Variants in BCAT1 observed in about 807,000 individuals in gnomAD.
BCAT1 encodes branched-chain-amino-acid aminotransferase, cytosolic.
Under a neutral mutation model 52.4 loss-of-function variants are expected in BCAT1, and 48 were observed. The ratio of observed to expected loss-of-function variants is 0.92; its 90% CI spans 0.73 to 1.16. The LOEUF (loss-of-function observed/expected upper bound fraction) is 1.16. BCAT1 is among the 50% of genes most tolerant of loss of function. The probability of loss-of-function intolerance (pLI) is 0.00; values close to 1 mark genes in which losing one functional copy is unlikely to be tolerated. For synonymous variants in BCAT1, 167 were observed against 161.3 expected, an observed-to-expected ratio of 1.04 and a Z score of -0.27; for missense variants, 451 against 457.1, an observed-to-expected ratio of 0.99 and a Z score of 0.12.
chr12:24,832,658 C>T, intron 9 of BCAT1, 65 bp downstream of exon 9: 2 of 1,479,126 alleles, frequency 1.4e-6, no homozygotes, highest in Non-Finnish European at 1.8e-6. Context: ...TTTATTCATA[C>T]ACTTAAATTA....
At chr12:24,912,110 G>A (rs187807807) in intron 1 of BCAT1, among the ~76,000 whole-genome samples, 30 of 152,170 alleles carry the variant, frequency 2.0e-4, no homozygotes, top group African/African-American at 7.2e-4. Context: ...CAATCAAGAC[G>A]GAAAGGATTT....
At chr12:24,933,185 T>C (rs1212924182) in intron 1 of BCAT1, among the ~76,000 whole-genome samples, 1 of 129,568 alleles carries the variant, frequency 7.7e-6, no homozygotes, top group Non-Finnish European at 1.6e-5. Context: ...GCCAGGCAGG[T>C]CTCAGGCTTC....
intron 6 of BCAT1, among the ~76,000 whole-genome samples, chr12:24,849,188 C>A (rs897882462): frequency 2.6e-5 from 4 of 152,254 alleles, no homozygotes; most frequent in African/African-American, 9.6e-5. Flanking sequence ...CCCCTGAAAT[C>A]GTCCAACACT....
intron 8 of BCAT1, chr12:24,834,427 T>A (rs1940832551): frequency 3.0e-6 from 3 of 984,628 alleles, no homozygotes; most frequent in Middle Eastern, 5.2e-4. Context: ...TTAAGCTATG[T>A]GTTTAAACTA....
rs1406707817 is a variant in BCAT1, at chr12:24,815,664, T to C, written c.*2344A>G. ...ACTTAAATGACAATGGTGGATTGTG[T>C]TCTCCTTATCAGGAGACCTCCAGTT... On this transcript the variant is annotated 3_prime_UTR_variant, in exon 11 of 11. Coordinates refer to ENST00000261192, the MANE Select transcript of BCAT1 (RefSeq NM_005504.7). The C allele has an allele frequency of 6.6e-6, 1 of 152,196 alleles. No individual in the cohort carries two copies. The highest frequency in any genetic ancestry group is 2.4e-5 in the African/African-American group (1 of 41,458). 9.4% of individuals were successfully genotyped at this position (152,196 alleles called of 1,614,324 possible).
chr12:24,948,938 C>T lies in BCAT1; in HGVS notation c.-6G>A. ...CCATAAGTAGTTACCTTCATTGTTC[C>T]GTCGGCCACGAGGGAAGCTCGAGCT... On this transcript the variant is annotated 5_prime_UTR_variant, in exon 1 of 11. Transcript: ENST00000261192. 3 of 1,595,692 alleles carry T rather than the reference C, an allele frequency of 1.9e-6. No individual in the cohort carries two copies. The highest frequency in any genetic ancestry group is 2.3e-5 in the South Asian group (2 of 87,462).
At chr12:24,834,023 G>A (rs1265534346) in intron 8 of BCAT1, 1 of 336,326 alleles carries the variant, frequency 3.0e-6, no homozygotes, top group Non-Finnish European at 4.2e-6. Flanking sequence ...TAAAGATAGG[G>A]GTCTCCCTAT....
At position 24,859,618 on chromosome 12, in the gene BCAT1, C is replaced by CAA. The variant is rs71063366; in HGVS notation, c.511-9671_511-9670dup. Among the ~76,000 whole-genome samples the CAA allele has an allele frequency of 9.6e-4, 90 of 93,932 alleles. 1 individual carries two copies. Among genetic ancestry groups the CAA allele is most frequent in the South Asian group, 6.3e-3 (17 of 2,706 alleles). The allele number at this position is 93,932 out of a possible 152,430, so 61.6% of individuals were successfully genotyped here. A position where few individuals can be genotyped will look rare whatever the true frequency, so the allele number is the denominator to read the frequency against. On this transcript the variant is annotated intron_variant, in intron 5 of 10. Transcript: ENST00000261192. ...CTGGGCGACAGAGCCAGACTCGTCT[C>CAA]AAAAAAAAAAAAAAAAAAAAAGGAT...
intron 1 of BCAT1, chr12:24,903,512 C>G (rs1480834938): frequency 6.6e-6 from 1 of 152,380 alleles, no homozygotes; most frequent in African/African-American, 2.4e-5. Flanking sequence ...TGCCACTGAC[C>G]GCTATGTGCA....
At chr12:24,859,308 T>C (rs1941782240) in intron 5 of BCAT1, among the ~76,000 whole-genome samples, 1 of 152,232 alleles carries the variant, frequency 6.6e-6, no homozygotes, top group Non-Finnish European at 1.5e-5. Flanking sequence ...GAAAGCTGTC[T>C]TCCCTCTATC....
Position 24,894,305 on chromosome 12 carries a change from A to G in BCAT1, c.249T>C (p.Pro83=), listed in dbSNP as rs763017410. The change falls in exon 3 of 11, where the codon CCT becomes CCC. Residue 83 remains proline (P), a synonymous_variant. Transcript: ENST00000261192. The part of the protein sequence containing the change: ...IKPLQNLSLH[P]GSSALHYAVE... ...CTGCATAGTGCAAAGCTGATGAGCCAGGGTGCAATGACAGGTTCTGAAGAG... is the reference window on the plus strand; with the variant it reads ...CTGCATAGTGCAAAGCTGATGAGCCGGGGTGCAATGACAGGTTCTGAAGAG... The G allele has an allele frequency of 1.2e-5, 20 of 1,614,016 alleles. No homozygotes were observed. Among genetic ancestry groups the G allele is most frequent in the Non-Finnish European group, 1.7e-5 (20 of 1,179,904 alleles).
At chr12:24,855,030 G>A (rs1423487159) in intron 5 of BCAT1, among the ~76,000 whole-genome samples, 1 of 152,088 alleles carries the variant, frequency 6.6e-6, no homozygotes, top group Non-Finnish European at 1.5e-5. Context: ...GTTCCTTCAA[G>A]AGAAAGTCCA....
At chr12:24,850,068 C>T (rs1437614863) in intron 5 of BCAT1, 119 bp from the exon 6 acceptor site, 2 of 981,690 alleles carry the variant, frequency 2.0e-6, no homozygotes, top group African/African-American at 1.6e-5. Flanking sequence ...GAGCTATTAC[C>T]ATACTTTTAA....
intron 10 of BCAT1, among the ~76,000 whole-genome samples, chr12:24,824,501 T>C (rs1003948267): frequency 9.2e-5 from 14 of 152,092 alleles, no homozygotes; most frequent in East Asian, 1.9e-4. Context: ...GGTCTTACTA[T>C]GTTGCCTAGG....
intron 10 of BCAT1, among the ~76,000 whole-genome samples, chr12:24,826,316 T>C (rs547242758): frequency 6.6e-6 from 1 of 152,320 alleles, no homozygotes; most frequent in African/African-American, 2.4e-5. Flanking sequence ...TTTCTGTGTA[T>C]GGTAAGAGAA....
At chr12:24,867,763 G>A (rs1215260464) in intron 5 of BCAT1, among the ~76,000 whole-genome samples, 2 of 152,194 alleles carry the variant, frequency 1.3e-5, no homozygotes, top group African/African-American at 4.8e-5. Context: ...CCAGCACTTT[G>A]GGAGGCTGAG....
At chr12:24,934,877 A>G (rs1266413050) in intron 1 of BCAT1, among the ~76,000 whole-genome samples, 1 of 152,178 alleles carries the variant, frequency 6.6e-6, no homozygotes, top group Admixed American at 6.5e-5. Context: ...ACCACTTGCC[A>G]CATCTCAGTT....
At chr12:24,887,083 AT>A (rs1565483156) in intron 3 of BCAT1, among the ~76,000 whole-genome samples, 67 of 95,106 alleles carry the variant, frequency 7.0e-4, no homozygotes, top group African/African-American at 2.5e-3. Context: ...AAAAAAAAAT[AT>A]ATATATATAT....
intron 2 of BCAT1, among the ~76,000 whole-genome samples, chr12:24,900,102 C>T (rs575395800): frequency 4.4e-4 from 67 of 152,130 alleles, no homozygotes; most frequent in Non-Finnish European, 8.8e-5. Flanking sequence ...ATATCAAAAA[C>T]AAAGATGGTC....
Sources: gnomAD v4.1 joint callset for allele counts (sites outside exome capture counted in the v4.1 genomes callset) on GRCh38, gnomAD v4.1.1 for gene constraint, MANE v1.5 for transcripts, NCBI Gene and HGNC (gene_info 2026-07-23, HGNC 2026-07-21) for gene names.